HK1: variants seen among roughly 807,000 people sequenced by gnomAD.
The protein encoded by HK1 is hexokinase 1, also known as hexokinase-1.
In HK1, 28 loss-of-function variants were observed where a neutral mutation model predicts 91.6. That is an observed-to-expected ratio of 0.31 (90% CI 0.23 to 0.42). The LOEUF is 0.42. Ranked by LOEUF, HK1 falls within the 10% of genes least tolerant of loss-of-function variation. The pLI is 1.00. For synonymous variants in HK1, 430 were observed against 468.1 expected (o/e 0.92, Z 1.05); for missense variants, 770 against 1,219.8 (o/e 0.63, Z 5.49).
chr10:69,398,165 G>A (rs1840224502), intron 16 of HK1, among the ~76,000 whole-genome samples: 1 of 152,202 alleles, frequency 6.6e-6, no homozygotes, highest in South Asian at 2.1e-4. Context: ...TCTCCAAGCT[G>A]GCTAAAGAAA....
chr10:69,323,561 G>C (rs967653386), intron 1 of HK1, among the ~76,000 whole-genome samples: 1 of 150,150 alleles, frequency 6.7e-6, no homozygotes, highest in Non-Finnish European at 1.5e-5. Context: ...ATTATGAGAA[G>C]TGTCTCATAA....
chr10:69,365,370 C>T lies in HK1; in HGVS notation c.495+468C>T, dbSNP rs1205084189. 5.3e-5 allele frequency among the ~76,000 whole-genome samples: 8 copies of T among 152,284 alleles called. 1 individual carries two copies. The highest frequency in any genetic ancestry group is 3.3e-4 in the Admixed American group (5 of 15,300). On this transcript the variant is annotated intron_variant, in intron 4 of 17. Coordinates refer to ENST00000359426, the MANE Select transcript of HK1 (RefSeq NM_000188.3). ...CCCCAGGGATGCCCTTGGCGACCTC[C>T]GAGGTGACTTGTTGTACCCACCTTC...
At chr10:69,352,912 AC>A (rs1848950563) in intron 2 of HK1, among the ~76,000 whole-genome samples, 1 of 152,248 alleles carries the variant, frequency 6.6e-6, no homozygotes, top group African/African-American at 2.4e-5. Flanking sequence ...TATTAAAAAA[AC>A]AACCAACCAA....
At chr10:69,376,690 C>T (rs1293830159) in intron 7 of HK1, among the ~76,000 whole-genome samples, 1 of 152,164 alleles carries the variant, frequency 6.6e-6, no homozygotes, top group Non-Finnish European at 1.5e-5. Flanking sequence ...CTGCTCCTGC[C>T]CATGGTGTTC....
At chr10:69,336,234 C>T (rs2132649529) in intron 1 of HK1, among the ~76,000 whole-genome samples, 1 of 152,232 alleles carries the variant, frequency 6.6e-6, no homozygotes, top group East Asian at 1.9e-4. Flanking sequence ...TCTTGTTGCC[C>T]AGGCTGGAGT....
At chr10:69,277,516 C>T (rs970905464) in intron 1 of HK1, among the ~76,000 whole-genome samples, 6 of 151,986 alleles carry the variant, frequency 3.9e-5, no homozygotes, top group African/African-American at 1.2e-4. Context: ...TGCAGTGAGC[C>T]ATGATCATGC....
At chr10:69,313,309 G>T (rs1285439194), upstream of HK1, among the ~76,000 whole-genome samples, 2 of 152,168 alleles carry the variant, frequency 1.3e-5, no homozygotes, top group Non-Finnish European at 2.9e-5. Context: ...GTCTAAAGGG[G>T]GCGGTGGCTG....
At position 69,396,128 on chromosome 10, in the gene HK1, C is replaced by T. The variant is rs920357768; in HGVS notation, c.2375+1023C>T. Among the ~76,000 whole-genome samples, 10 of 151,870 alleles carry T rather than the reference C, an allele frequency of 6.6e-5. 1 individual carries two copies. The South Asian group carries it at 8.3e-4, about 13-fold the overall frequency. On this transcript the variant is annotated intron_variant, in intron 16 of 17. Transcript: ENST00000359426. ...TTCTACAAAAAGTGCAAAAACTAGCCGGGCGTGGTGGCACATTCCTGTGGT... is the reference window on the plus strand; with the variant it reads ...TTCTACAAAAAGTGCAAAAACTAGCTGGGCGTGGTGGCACATTCCTGTGGT...
intron 5 of HK1, among the ~76,000 whole-genome samples, chr10:69,310,052 T>TAAA (rs1216110407): frequency 2.2e-5 from 2 of 88,982 alleles, no homozygotes. Context: ...CTCCATCTCA[T>TAAA]AAAAAAAAAA....
At chr10:69,312,919 G>A (rs974359119), upstream of HK1, among the ~76,000 whole-genome samples, 76 of 152,258 alleles carry the variant, frequency 5.0e-4, no homozygotes, top group Non-Finnish European at 4.4e-5. Context: ...CGTATTTTGG[G>A]GTGAATTATG....
intron 1 of HK1, among the ~76,000 whole-genome samples, chr10:69,326,164 C>G (rs1245278132): frequency 6.7e-6 from 1 of 150,156 alleles, no homozygotes; most frequent in Non-Finnish European, 1.5e-5. Flanking sequence ...CTTTTTGTCT[C>G]TGGGCATCCT....
intron 16 of HK1, among the ~76,000 whole-genome samples, chr10:69,396,777 G>A (rs1450830233): frequency 1.3e-5 from 2 of 152,166 alleles, no homozygotes; most frequent in East Asian, 3.9e-4. Context: ...TGCCTCCTGG[G>A]TTCAAGCGAT....
intron 5 of HK1, among the ~76,000 whole-genome samples, chr10:69,307,330 G>A (rs2132521395): frequency 6.6e-6 from 1 of 152,158 alleles, no homozygotes; most frequent in South Asian, 2.1e-4. Flanking sequence ...TAGCCCCTCT[G>A]GCCTTGCAGA....
At chr10:69,329,189 A>T (rs1847557778) in intron 1 of HK1, among the ~76,000 whole-genome samples, 1 of 140,426 alleles carries the variant, frequency 7.1e-6, no homozygotes, top group Non-Finnish European at 1.5e-5. Flanking sequence ...TTTCAGATGG[A>T]GTCTTGCTCT....
chr10:69,367,416 T>C (rs552114275), intron 4 of HK1, among the ~76,000 whole-genome samples: 1 of 152,042 alleles, frequency 6.6e-6, no homozygotes, highest in African/African-American at 2.4e-5. Context: ...CAGCAGGAAA[T>C]GGGCAGACAG....
intron 3 of HK1, among the ~76,000 whole-genome samples, chr10:69,362,995 G>T (rs1026109088): frequency 1.3e-5 from 2 of 152,124 alleles, no homozygotes; most frequent in Non-Finnish European, 1.5e-5. Flanking sequence ...GAGCTGGCTT[G>T]GGGGGGATCT....
chr10:69,401,588 G>A lies in HK1; in HGVS notation c.*453G>A. Reference sequence around the variant, plus strand: ...CTCCCTCCCGGGGGCACTGCCTGAAGGCGAGTGTGGGCATAGCATTAGCTG... The same window carrying A: ...CTCCCTCCCGGGGGCACTGCCTGAAAGCGAGTGTGGGCATAGCATTAGCTG... On this transcript the variant is annotated 3_prime_UTR_variant, in exon 18 of 18. Coordinates refer to ENST00000359426, the MANE Select transcript of HK1 (RefSeq NM_000188.3). 2.6e-6 allele frequency: 1 copy of A among 390,830 alleles called. No individual in the cohort carries two copies. The highest frequency in any genetic ancestry group is 1.9e-5 in the South Asian group (1 of 53,644). 24.2% of individuals were successfully genotyped at this position (390,830 alleles called of 1,614,324 possible). A position where few individuals can be genotyped will look rare whatever the true frequency, so the allele number is the denominator to read the frequency against.
chr10:69,291,335 G>A (rs1381919684), intron 3 of HK1, among the ~76,000 whole-genome samples: 1 of 152,224 alleles, frequency 6.6e-6, no homozygotes, highest in African/African-American at 2.4e-5. Context: ...AGACACAGAT[G>A]GAAATCCAGC....
At chr10:69,306,078 T>C (rs1251311788) in intron 5 of HK1, among the ~76,000 whole-genome samples, 3 of 151,742 alleles carry the variant, frequency 2.0e-5, no homozygotes, top group East Asian at 1.9e-4. Flanking sequence ...AGGGTGGGGC[T>C]GGGCACGGTG....
Sources: gnomAD v4.1 joint callset for allele counts (sites outside exome capture counted in the v4.1 genomes callset) on GRCh38, gnomAD v4.1.1 for gene constraint, MANE v1.5 for transcripts, NCBI Gene and HGNC (gene_info 2026-07-23, HGNC 2026-07-21) for gene names.